Variants in WASF3 observed in about 807,000 individuals in gnomAD.
The protein encoded by WASF3 is actin-binding protein WASF3.
WASF3 carries 11 observed loss-of-function variants against 46.6 expected under a neutral mutation model. The observed-to-expected ratio is 0.24, with a 90% CI of 0.15 to 0.39. The LOEUF is 0.39. WASF3 is among the 10% of genes least tolerant of loss of function. WASF3 has a pLI of 1.00. For missense variants in WASF3, 576 were observed against 669.8 expected, an observed-to-expected ratio of 0.86 and a Z score of 1.55; for synonymous variants, 242 against 259.7, an observed-to-expected ratio of 0.93 and a Z score of 0.65.
At chr13:26,675,741 C>T (rs1566071943) in intron 6 of WASF3, among the ~76,000 whole-genome samples, 1 of 151,352 alleles carries the variant, frequency 6.6e-6, no homozygotes. Context: ...ATGCTTGCTG[C>T]CTGGCTGTGG....
intron 3 of WASF3, among the ~76,000 whole-genome samples, chr13:26,652,860 T>G (rs1882353554): frequency 6.6e-6 from 1 of 151,994 alleles, no homozygotes; most frequent in Non-Finnish European, 1.5e-5. Context: ...TAGCTTTAAA[T>G]GTTATGTTAG....
intron 1 of WASF3, among the ~76,000 whole-genome samples, chr13:26,581,327 T>C (rs1373054967): frequency 2.0e-5 from 3 of 152,146 alleles, no homozygotes; most frequent in Admixed American, 6.5e-5. Context: ...TTTTCCTAAG[T>C]TGAATAGAAT....
In WASF3 at chr13:26,607,639, G is replaced by GT. The variant is rs376544806; in HGVS notation, c.-108-5312dup. ...TTGTTTCAGAGCAGTTTTTTGTTTT[G>GT]TTTTTTTTTTGAAACAGGGTCTTGC... On this transcript the variant is annotated intron_variant, in intron 1 of 9. Coordinates refer to ENST00000335327, the MANE Select transcript of WASF3 (RefSeq NM_006646.6). 7.9e-3 allele frequency among the ~76,000 whole-genome samples: 1,156 copies of GT among 146,992 alleles called. 11 individuals are homozygous for GT. Among genetic ancestry groups the GT allele is most frequent in the African/African-American group, 0.021 (844 of 40,152 alleles).
chr13:26,614,516 G>A (rs1391323884), intron 2 of WASF3, among the ~76,000 whole-genome samples: 1 of 152,202 alleles, frequency 6.6e-6, no homozygotes, highest in African/African-American at 2.4e-5. Context: ...ACTTTAAGGG[G>A]AAATTTATAG....
the WASF3 span, among the ~76,000 whole-genome samples, chr13:26,551,757 G>A: frequency 6.6e-6 from 1 of 152,218 alleles, no homozygotes; most frequent in Non-Finnish European, 1.5e-5. Context: ...GCGAATGCTA[G>A]TGGTGCAGGA....
chr13:26,613,813 A>G (rs575773300), intron 2 of WASF3, among the ~76,000 whole-genome samples: 14 of 152,284 alleles, frequency 9.2e-5, no homozygotes, highest in African/African-American at 1.4e-4. Flanking sequence ...CAGTTTTACA[A>G]TAATTTACTC....
At chr13:26,541,709 C>G in the WASF3 span, among the ~76,000 whole-genome samples, 1 of 152,044 alleles carries the variant, frequency 6.6e-6, no homozygotes, top group African/African-American at 2.4e-5. Flanking sequence ...TATCAAACTC[C>G]TGGGCTCAAG....
At chr13:26,662,490 T>G (rs1442457193) in intron 3 of WASF3, among the ~76,000 whole-genome samples, 1 of 152,178 alleles carries the variant, frequency 6.6e-6, no homozygotes, top group Non-Finnish European at 1.5e-5. Flanking sequence ...AGTCATGTCT[T>G]TTGCAGCAAC....
intron 2 of WASF3, among the ~76,000 whole-genome samples, chr13:26,630,945 G>A (rs1465690100): frequency 3.9e-5 from 6 of 152,166 alleles, no homozygotes; most frequent in Non-Finnish European, 7.4e-5. Flanking sequence ...TCTGTTGGCT[G>A]CATAAATGTC....
intron 1 of WASF3, among the ~76,000 whole-genome samples, chr13:26,597,891 G>A (rs1214834888): frequency 1.3e-5 from 2 of 152,160 alleles, no homozygotes; most frequent in Non-Finnish European, 2.9e-5. Context: ...CTGGTTCCAA[G>A]TCTTTGCTAT....
In WASF3 at chr13:26,676,577, G is replaced by A. The variant is rs377637097; in HGVS notation, c.569G>A (p.Arg190His). Reference sequence around the variant, plus strand: ...CAAAAGCGTATAGATGGCACCACCCGTGAGGTGAAAAAGGTTAGAAAAGCC... The same window carrying A: ...CAAAAGCGTATAGATGGCACCACCCATGAGGTGAAAAAGGTTAGAAAAGCC... ...KEQKRIDGTT[R>H]EVKKVRKARN... Residue 190 changes from arginine (R) to histidine (H), a missense_variant, in exon 7 of 10, where the codon CGT becomes CAT. Arg to His is a conservative substitution (Grantham distance 29). Coordinates refer to ENST00000335327, the MANE Select transcript of WASF3 (RefSeq NM_006646.6). 1.1e-5 allele frequency: 17 copies of A among 1,613,962 alleles called. No homozygotes were observed. Among genetic ancestry groups the A allele is most frequent in the African/African-American group, 8.0e-5 (6 of 74,888 alleles).
At chr13:26,559,979 G>T (rs1272460184) in intron 1 of WASF3, among the ~76,000 whole-genome samples, 1 of 151,292 alleles carries the variant, frequency 6.6e-6, no homozygotes, top group Non-Finnish European at 1.5e-5. Context: ...CACCATGCCC[G>T]GCTAATTTTT....
At chr13:26,539,528 A>G in the WASF3 span, among the ~76,000 whole-genome samples, 1 of 152,146 alleles carries the variant, frequency 6.6e-6, no homozygotes, top group African/African-American at 2.4e-5. Context: ...ATAAAAAAAT[A>G]TGTCCCTCAG....
intron 2 of WASF3, among the ~76,000 whole-genome samples, chr13:26,637,564 CTGTTAACTGCT>C (rs796268506): frequency 1.7e-4 from 26 of 152,362 alleles, no homozygotes; most frequent in African/African-American, 6.3e-4. Context: ...TCACATTTAG[CTGTTAACTGCT>C]TGTTAACTGC....
chr13:26,588,211 T>C (rs1054896598), intron 1 of WASF3, among the ~76,000 whole-genome samples: 2 of 152,156 alleles, frequency 1.3e-5, no homozygotes, highest in Admixed American at 6.5e-5. Flanking sequence ...AAAACAAGAA[T>C]ATAAGCAAAA....
At chr13:26,543,075 T>G in the WASF3 span, among the ~76,000 whole-genome samples, 1 of 152,134 alleles carries the variant, frequency 6.6e-6, no homozygotes, top group African/African-American at 2.4e-5. Context: ...TTCAGTGTCC[T>G]GTGTGGAAGG....
intron 1 of WASF3, among the ~76,000 whole-genome samples, chr13:26,588,355 C>G (rs972893223): frequency 6.6e-6 from 1 of 152,168 alleles, no homozygotes; most frequent in African/African-American, 2.4e-5. Flanking sequence ...TATGTTTTCA[C>G]TGTTTAAAAA....
At chr13:26,665,655 CCTT>C (rs1882749058) in intron 4 of WASF3, among the ~76,000 whole-genome samples, 1 of 152,142 alleles carries the variant, frequency 6.6e-6, no homozygotes, top group Non-Finnish European at 1.5e-5. Flanking sequence ...TTACCGAAAG[CCTT>C]TAGGCTGCAG....
At chr13:26,651,356 G>A (rs1191884743) in intron 3 of WASF3, among the ~76,000 whole-genome samples, 1 of 151,916 alleles carries the variant, frequency 6.6e-6, no homozygotes, top group Non-Finnish European at 1.5e-5. Flanking sequence ...CAAAAATTTT[G>A]CTAAAGGAAC....
Sources: allele counts gnomAD v4.1 joint callset (sites outside exome capture counted in the v4.1 genomes callset), GRCh38; gene constraint gnomAD v4.1.1; transcripts MANE v1.5; gene names NCBI Gene and HGNC (gene_info 2026-07-23, HGNC 2026-07-21).